SERPINI1: variants seen among roughly 807,000 people sequenced by gnomAD.
The protein encoded by SERPINI1 is neuroserpin.
Under a neutral mutation model 41.1 loss-of-function variants are expected in SERPINI1, and 19 were observed. The ratio of observed to expected loss-of-function variants is 0.46; its 90% CI spans 0.32 to 0.68. The LOEUF (loss-of-function observed/expected upper bound fraction) is 0.68. Among genes scored for constraint, SERPINI1 ranks in the 30% least tolerant of loss-of-function variants. The pLI, the probability that SERPINI1 is intolerant of heterozygous loss-of-function variation, is 0.03. For missense variants in SERPINI1, 460 were observed against 479.2 expected (o/e 0.96, Z 0.37); for synonymous variants, 138 against 156.6 (o/e 0.88, Z 0.89).
Position 167,794,633 on chromosome 3 carries a change from T to C in SERPINI1, c.690T>C (p.Asp230=). ...TTTTCTTTTTAGGGGAATTTAGTGA[T>C]GGCTCCAATGAAGCTGGTGGTATCT... The part of the protein sequence containing the change: ...QGEFYYGEFS[D]GSNEAGGIYQ... The change falls in exon 5 of 9, where the codon GAT becomes GAC. Residue 230 remains aspartate, a synonymous_variant. Transcript: ENST00000446050. 1.2e-6 allele frequency: 2 copies of C among 1,613,488 alleles called. No individual in the cohort carries two copies. The highest frequency in any genetic ancestry group is 1.7e-6 in the Non-Finnish European group (2 of 1,179,706).
intron 1 of SERPINI1, among the ~76,000 whole-genome samples, chr3:167,760,603 G>T (rs1344199226): frequency 8.7e-6 from 1 of 115,272 alleles, no homozygotes; most frequent in East Asian, 2.3e-4. Flanking sequence ...GTGTGTGTGT[G>T]TGTGTGTCTT....
At chr3:167,736,925 A>G (rs1211591543) in intron 1 of SERPINI1, among the ~76,000 whole-genome samples, 12 of 152,130 alleles carry the variant, frequency 7.9e-5, no homozygotes, top group Admixed American at 7.9e-4. Context: ...GCTTTTAATC[A>G]TAGTAGCATA....
At chr3:167,747,962 G>A (rs1725916184) in intron 1 of SERPINI1, among the ~76,000 whole-genome samples, 1 of 150,120 alleles carries the variant, frequency 6.7e-6, no homozygotes, top group East Asian at 1.9e-4. Context: ...TCAAAATGAA[G>A]GCAAGGAAAA....
At chr3:167,741,422 C>A (rs1327116159) in intron 1 of SERPINI1, among the ~76,000 whole-genome samples, 1 of 152,142 alleles carries the variant, frequency 6.6e-6, no homozygotes, top group Non-Finnish European at 1.5e-5. Flanking sequence ...AGCATCTTGG[C>A]TTTTCTTGAA....
chr3:167,785,254 G>C (rs1453081865), intron 1 of SERPINI1, among the ~76,000 whole-genome samples: 2 of 152,112 alleles, frequency 1.3e-5, no homozygotes. Context: ...AAAAAAAAGA[G>C]TGCTTTGCAC....
intron 1 of SERPINI1, among the ~76,000 whole-genome samples, chr3:167,769,490 G>T (rs1280344208): frequency 2.6e-5 from 4 of 152,146 alleles, no homozygotes; most frequent in African/African-American, 4.8e-5. Flanking sequence ...AGATCTTAAA[G>T]TTTGTGCTTA....
intron 1 of SERPINI1, among the ~76,000 whole-genome samples, chr3:167,753,991 G>A (rs1197786430): frequency 6.6e-6 from 1 of 152,160 alleles, no homozygotes; most frequent in Admixed American, 6.5e-5. Flanking sequence ...TTAAAAGGGG[G>A]AGAGGAGTAG....
At chr3:167,737,009 G>GT (rs893333220) in intron 1 of SERPINI1, among the ~76,000 whole-genome samples, 30 of 150,298 alleles carry the variant, frequency 2.0e-4, no homozygotes, top group Middle Eastern at 3.4e-3. Flanking sequence ...AATACTTTAT[G>GT]TTTTTTTTTA....
intron 1 of SERPINI1, among the ~76,000 whole-genome samples, chr3:167,776,298 T>C (rs1317240709): frequency 2.0e-5 from 3 of 152,330 alleles, no homozygotes; most frequent in South Asian, 4.1e-4. Context: ...CATTGGCAAG[T>C]ACAAATTCTC....
intron 6 of SERPINI1, among the ~76,000 whole-genome samples, chr3:167,817,631 A>C (rs1712147388): frequency 6.6e-6 from 1 of 151,720 alleles, no homozygotes; most frequent in African/African-American, 2.4e-5. Flanking sequence ...AGAGTCATGC[A>C]CTGTCGCCCA....
At chr3:167,793,596 A>ATATTTTTTTTTTTTT in intron 4 of SERPINI1, among the ~76,000 whole-genome samples, 66 of 140,610 alleles carry the variant, frequency 4.7e-4, no homozygotes, top group African/African-American at 1.7e-3. Context: ...ATATATATAT[A>ATATTTTTTTTTTTTT]TTTTTAATTA....
intron 1 of SERPINI1, among the ~76,000 whole-genome samples, chr3:167,760,172 T>C (rs1293898350): frequency 6.6e-6 from 1 of 152,076 alleles, no homozygotes; most frequent in African/African-American, 2.4e-5. Context: ...GTTGGCCAGG[T>C]GAAAGGAATT....
At chr3:167,789,821 GTTATC>G (rs1200606960) in intron 2 of SERPINI1, among the ~76,000 whole-genome samples, 2 of 152,024 alleles carry the variant, frequency 1.3e-5, no homozygotes, top group African/African-American at 2.4e-5. Context: ...TTTTTGAAGT[GTTATC>G]TTATTATAAA....
In SERPINI1 at chr3:167,794,851, C is replaced by T. The variant is rs777477522; in HGVS notation, c.881+27C>T. 1.1e-5 allele frequency: 17 copies of T among 1,577,748 alleles called. No homozygotes were observed. The South Asian group carries it at 1.9e-4, about 17-fold the overall frequency. On this transcript the variant is annotated intron_variant, in intron 5 of 8. Coordinates refer to ENST00000446050, the MANE Select transcript of SERPINI1 (RefSeq NM_001122752.2). ...TATGAGGTTCCTGTGTCACCCGTCC[C>T]ACAGCATGGACGATGGGCTATCAAT... is the stretch of plus-strand genomic sequence containing the variant.
intron 5 of SERPINI1, among the ~76,000 whole-genome samples, chr3:167,802,367 A>G (rs1287419679): frequency 6.6e-6 from 1 of 150,652 alleles, no homozygotes; most frequent in Non-Finnish European, 1.5e-5. Flanking sequence ...AAATTTTTGC[A>G]ACCTACTCAT....
chr3:167,779,951 A>G (rs1727068990), intron 1 of SERPINI1, among the ~76,000 whole-genome samples: 1 of 152,178 alleles, frequency 6.6e-6, no homozygotes, highest in South Asian at 2.1e-4. Context: ...TTTCATGGAT[A>G]GTATTATAGA....
chr3:167,825,121 G>GAGGA lies in SERPINI1; in HGVS notation c.1157-101_1157-98dup, dbSNP rs35943442. ...AGAGAGAGGAAGGAAGGAAGGACAG[G>GAGGA]AGGAAGGAAGGAAGGAAGGAAGGAA... On this transcript the variant is annotated intron_variant, in intron 8 of 8. Coordinates refer to ENST00000446050, the MANE Select transcript of SERPINI1 (RefSeq NM_001122752.2). 2.9e-3 allele frequency: 2,168 copies of GAGGA among 736,178 alleles called. 9 individuals are homozygous for GAGGA. The highest frequency in any genetic ancestry group is 3.3e-3 in the East Asian group (127 of 38,504). 45.6% of individuals were successfully genotyped at this position (736,178 alleles called of 1,614,324 possible).
chr3:167,778,912 T>C (rs1360685887), intron 1 of SERPINI1, among the ~76,000 whole-genome samples: 1 of 152,180 alleles, frequency 6.6e-6, no homozygotes, highest in Non-Finnish European at 1.5e-5. Context: ...GACAGATAGT[T>C]TGGGGGGTTA....
intron 3 of SERPINI1, among the ~76,000 whole-genome samples, chr3:167,791,187 A>G (rs772082987): frequency 1.3e-5 from 2 of 152,136 alleles, no homozygotes; most frequent in African/African-American, 4.8e-5. Flanking sequence ...CAAATGTTTC[A>G]TATTTTAGCA....
Sources: allele counts gnomAD v4.1 joint callset (sites outside exome capture counted in the v4.1 genomes callset), GRCh38; gene constraint gnomAD v4.1.1; transcripts MANE v1.5; gene names NCBI Gene and HGNC (gene_info 2026-07-23, HGNC 2026-07-21).